DROSHA: variants seen among roughly 807,000 people sequenced by gnomAD.
DROSHA encodes the protein ribonuclease 3.
In DROSHA, 56 loss-of-function variants were observed where a neutral mutation model predicts 181.9. The ratio of observed to expected loss-of-function variants is 0.31; its 90% CI spans 0.25 to 0.38. DROSHA has a LOEUF of 0.38. DROSHA is among the 10% of genes least tolerant of loss of function. DROSHA has a pLI of 1.00. For missense variants in DROSHA, 1,218 were observed against 1,743.5 expected (o/e 0.70, Z 5.37); for synonymous variants, 524 against 591.2 (o/e 0.89, Z 1.65).
rs1348014430 is a variant in DROSHA at position 31,410,734 on chromosome 5, T to C, written c.3667+12A>G. 1.9e-6 allele frequency: 3 copies of C among 1,611,934 alleles called. No homozygotes were observed. The Admixed American group carries it at 5.0e-5, about 27-fold the overall frequency. ...GAACCTGGAGGTTGAGAGAAAAGTG[T>C]GTGGCACTCACATTCCAAAAGGTCC... is the stretch of plus-strand genomic sequence containing the variant. On this transcript the variant is annotated intron_variant, in intron 31 of 35. Transcript: ENST00000344624.
At chr5:31,503,004 G>T (rs773047413) in intron 11 of DROSHA, among the ~76,000 whole-genome samples, 2 of 152,116 alleles carry the variant, frequency 1.3e-5, no homozygotes, top group Admixed American at 1.3e-4. Flanking sequence ...TGGATGAGAA[G>T]GTCTTGGGGT....
chr5:31,491,711 G>GAAAA (rs1752445888), intron 13 of DROSHA, among the ~76,000 whole-genome samples: 1 of 83,460 alleles, frequency 1.2e-5, no homozygotes, highest in Non-Finnish European at 2.6e-5. Flanking sequence ...AAAAAAAAAT[G>GAAAA]CAAAGAAATC....
At position 31,402,066 on chromosome 5, in the gene DROSHA, C is replaced by T. The variant is rs755807197; in HGVS notation, c.3995-504G>A. ...AGATCAGGTGGACAAAAAGGGGCCACGTTCCAAGTCATTATGTCTGATAAT... is the reference window on the plus strand; with the variant it reads ...AGATCAGGTGGACAAAAAGGGGCCATGTTCCAAGTCATTATGTCTGATAAT... On this transcript the variant is annotated intron_variant, in intron 35 of 35. Coordinates refer to ENST00000344624, the MANE Select transcript of DROSHA (RefSeq NM_001382508.1). Among the ~76,000 whole-genome samples the T allele has an allele frequency of 4.6e-5, 7 of 152,294 alleles. No individual in the cohort carries two copies. The East Asian group carries it at 1.2e-3, about 25-fold the overall frequency.
intron 11 of DROSHA, among the ~76,000 whole-genome samples, chr5:31,502,392 T>C (rs1035118259): frequency 2.6e-5 from 4 of 152,208 alleles, no homozygotes; most frequent in African/African-American, 9.7e-5. Context: ...CTGCCATCTA[T>C]AGTGAAGAAT....
At position 31,498,694 on chromosome 5, in the gene DROSHA, C is replaced by T. The variant is rs533461745; in HGVS notation, c.1669-3322G>A. On this transcript the variant is annotated intron_variant, in intron 11 of 35. Coordinates refer to ENST00000344624, the MANE Select transcript of DROSHA (RefSeq NM_001382508.1). ...CCAACATGGAGAAACCCCATCTCTA[C>T]TAAAAATACAAAATTAGCCAGGCGT... Among the ~76,000 whole-genome samples, 4 of 152,098 alleles carry T rather than the reference C, an allele frequency of 2.6e-5. No individual in the cohort carries two copies. In the East Asian group the frequency reaches 7.8e-4, roughly 29 times the overall value.
At chr5:31,493,390 A>C (rs1580288624) in intron 12 of DROSHA, 97 bp from the exon 13 acceptor site, 1 of 1,066,226 alleles carries the variant, frequency 9.4e-7, no homozygotes, top group East Asian at 2.8e-5. Context: ...ATAGAACATA[A>C]GGACTTCCTT....
chr5:31,497,748 G>C (rs1027754772), intron 11 of DROSHA, among the ~76,000 whole-genome samples: 1 of 152,214 alleles, frequency 6.6e-6, no homozygotes, highest in Non-Finnish European at 1.5e-5. Flanking sequence ...CCCAGCTGTC[G>C]TGTTGGTGGC....
chr5:31,491,907 G>A (rs545785765), intron 13 of DROSHA, among the ~76,000 whole-genome samples: 11 of 152,228 alleles, frequency 7.2e-5, no homozygotes, highest in South Asian at 6.2e-4. Context: ...TGATTCTTGT[G>A]CCTCAACCTC....
intron 16 of DROSHA, among the ~76,000 whole-genome samples, chr5:31,475,202 C>T (rs1296451897): frequency 6.6e-6 from 1 of 152,114 alleles, no homozygotes; most frequent in Non-Finnish European, 1.5e-5. Context: ...CTGGTGGTCC[C>T]AGCTGCTCAG....
At chr5:31,526,983 T>A in intron 4 of DROSHA, 71 bp from the exon 5 acceptor site, 1 of 1,406,072 alleles carries the variant, frequency 7.1e-7, no homozygotes, top group Non-Finnish European at 9.6e-7. Flanking sequence ...CAGGGTTTCA[T>A]AAATGCCTGA....
At position 31,429,558 on chromosome 5, in the gene DROSHA, CAG is replaced by C; in HGVS notation, c.3146-15_3146-14del. 3.7e-6 allele frequency: 6 copies of C among 1,608,118 alleles called. No individual in the cohort carries two copies. The highest frequency in any genetic ancestry group is 5.1e-6 in the Non-Finnish European group (6 of 1,176,924). On this transcript the variant is annotated splice_polypyrimidine_tract_variant and intron_variant, in intron 26 of 35. Transcript: ENST00000344624. The stretch of plus-strand genomic sequence containing the variant: ...AAGTAAACAGCTCCTAGATGAAAAA[CAG>C]AGAATGCCAAAAGAGAGTCTCCATC...
intron 28 of DROSHA, chr5:31,423,180 G>A (rs1742978053): frequency 6.3e-6 from 2 of 317,526 alleles, no homozygotes; most frequent in Non-Finnish European, 1.1e-5. Flanking sequence ...GCCAAGTACT[G>A]TACACAGATA....
intron 11 of DROSHA, among the ~76,000 whole-genome samples, chr5:31,502,014 G>A (rs954687639): frequency 3.9e-5 from 6 of 152,194 alleles, no homozygotes; most frequent in Non-Finnish European, 7.3e-5. Flanking sequence ...CCAGTGGTCT[G>A]GGGAATGCCA....
intron 30 of DROSHA, 36 bp downstream of exon 30, chr5:31,421,236 G>T: frequency 6.6e-7 from 1 of 1,518,856 alleles, no homozygotes; most frequent in Non-Finnish European, 9.1e-7. Context: ...CTGCTTTACA[G>T]CAATCTTATT....
At chr5:31,471,340 T>C (rs566598230) in intron 17 of DROSHA, among the ~76,000 whole-genome samples, 1 of 152,152 alleles carries the variant, frequency 6.6e-6, no homozygotes, top group Admixed American at 6.5e-5. Context: ...ATTTTATCCT[T>C]ATAAGATGCC....
Position 31,409,443 on chromosome 5 carries a change from C to G in DROSHA, c.3668-111G>C, listed in dbSNP as rs1561114018. ...TTTAGTAATAGTTTCAACTTCCAGG[C>G]CCTCTTTATTTTTCAGTGCTACCAT... is the stretch of plus-strand genomic sequence containing the variant. On this transcript the variant is annotated intron_variant, in intron 31 of 35. Transcript: ENST00000344624. The surrounding 1 kb of genome is among the most constrained non-coding windows in gnomAD (Gnocchi z 4.0). 1.1e-6 allele frequency: 1 copy of G among 926,210 alleles called. No homozygotes were observed. The highest frequency in any genetic ancestry group is 1.6e-6 in the Non-Finnish European group (1 of 616,866). 57.4% of individuals were successfully genotyped at this position (926,210 alleles called of 1,614,324 possible). A position where few individuals can be genotyped will look rare whatever the true frequency, so the allele number is the denominator to read the frequency against.
At chr5:31,479,458 T>G (rs1025702118) in intron 16 of DROSHA, among the ~76,000 whole-genome samples, 5 of 152,162 alleles carry the variant, frequency 3.3e-5, no homozygotes, top group African/African-American at 7.2e-5. Flanking sequence ...CCATATCTCA[T>G]ACGAATTGTG....
intron 4 of DROSHA, among the ~76,000 whole-genome samples, chr5:31,528,145 G>GGTCT (rs1393403813): frequency 1.3e-5 from 2 of 151,966 alleles, no homozygotes; most frequent in Non-Finnish European, 2.9e-5. Flanking sequence ...ATTCCTCAGG[G>GGTCT]GTCTAGCCCA....
chr5:31,475,195 G>T (rs1750225690), intron 16 of DROSHA, among the ~76,000 whole-genome samples: 1 of 152,150 alleles, frequency 6.6e-6, no homozygotes, highest in African/African-American at 2.4e-5. Context: ...GTACACACTG[G>T]TGGTCCCAGC....
Sources: allele counts gnomAD v4.1 joint callset (sites outside exome capture counted in the v4.1 genomes callset), GRCh38; gene constraint gnomAD v4.1.1; non-coding constraint Gnocchi (gnomAD v3.1); transcripts MANE v1.5; gene names NCBI Gene and HGNC (gene_info 2026-07-23, HGNC 2026-07-21).